The following LYRM4 variants were observed in gnomAD, a reference collection of about 807,000 sequenced individuals.
LYRM4 encodes LYR motif-containing protein 4.
In LYRM4, 9 loss-of-function variants were observed where a neutral mutation model predicts 11.7. The ratio of observed to expected loss-of-function variants is 0.77; its 90% confidence interval spans 0.46 to 1.34. The LOEUF (loss-of-function observed/expected upper bound fraction) is 1.34. Ranked by LOEUF, LYRM4 falls within the 40% of genes most tolerant of loss-of-function variation. LYRM4 has a pLI of 0.00. For synonymous variants in LYRM4, 42 were observed against 40.4 expected (o/e 1.04, Z -0.15); for missense variants, 133 against 112.5 (o/e 1.18, Z -0.82).
the LYRM4 span, among the ~76,000 whole-genome samples, chr6:5,050,657 G>C: frequency 6.6e-6 from 1 of 152,044 alleles, no homozygotes; most frequent in African/African-American, 2.4e-5. Flanking sequence ...AAAGGTGCAG[G>C]CTCAAAAAAA....
intron 2 of LYRM4, among the ~76,000 whole-genome samples, chr6:5,194,572 T>C (rs1046760201): frequency 9.2e-5 from 14 of 152,200 alleles, no homozygotes; most frequent in African/African-American, 3.4e-4. Context: ...TTAAATGCAA[T>C]AGCATTGTTA....
rs71540849 is a variant in LYRM4 at position 5,144,624 on chromosome 6, CAAAAAAAAA to C, written c.208-35142_208-35134del. ...TGGGCGACACAGCGAGACTCCGTCTCAAAAAAAAAAAAAAAAAAAAAAAAAAAAAAAGAA... is the reference window on the plus strand; with the variant it reads ...TGGGCGACACAGCGAGACTCCGTCTCAAAAAAAAAAAAAAAAAAAAAAGAA... On this transcript the variant is annotated intron_variant, in intron 2 of 2. Transcript: ENST00000330636. 9.3e-4 allele frequency among the ~76,000 whole-genome samples: 35 copies of C among 37,592 alleles called. No individual in the cohort carries two copies. In the East Asian group the frequency reaches 0.015, roughly 16 times the overall value. The allele number at this position is 37,592 out of a possible 152,430, so 24.7% of individuals were successfully genotyped here.
chr6:5,229,710 A>G (rs1327898986), intron 1 of LYRM4, among the ~76,000 whole-genome samples: 1 of 152,184 alleles, frequency 6.6e-6, no homozygotes, highest in Non-Finnish European at 1.5e-5. Context: ...CAAAAAAAGT[A>G]TATTCAAAAC....
intron 2 of LYRM4, among the ~76,000 whole-genome samples, chr6:5,128,652 A>G (rs569055136): frequency 2.1e-4 from 32 of 152,254 alleles, no homozygotes; most frequent in Middle Eastern, 3.4e-3. Flanking sequence ...TTCCCTCCTC[A>G]TAACTATTTT....
intron 2 of LYRM4, among the ~76,000 whole-genome samples, chr6:5,178,734 G>A (rs565779436): frequency 6.7e-6 from 1 of 148,680 alleles, no homozygotes; most frequent in East Asian, 2.0e-4. Context: ...GAACCCGGGA[G>A]GCGGAGGTGG....
chr6:5,068,257 C>T, the LYRM4 span, among the ~76,000 whole-genome samples: 1 of 152,332 alleles, frequency 6.6e-6, no homozygotes, highest in Non-Finnish European at 1.5e-5. This position sits in a 1 kb window ranked among gnomAD's most constrained non-coding sequence, Gnocchi z 4.0. Flanking sequence ...CGACATCAAC[C>T]ATCGTCCGCT....
In LYRM4 at chr6:5,203,524, A is replaced by C. The variant is rs934092751; in HGVS notation, c.207+13094T>G. On this transcript the variant is annotated intron_variant, in intron 2 of 2. Transcript: ENST00000330636. ...CCTTTATTTCACTTCCTTGCCTAGCAGTCTGCAATGTGATGGGAACGTTTA... is the reference window on the plus strand; with the variant it reads ...CCTTTATTTCACTTCCTTGCCTAGCCGTCTGCAATGTGATGGGAACGTTTA... Among the ~76,000 whole-genome samples, 7 of 152,216 alleles carry C rather than the reference A, an allele frequency of 4.6e-5. 1 individual carries two copies. The highest frequency in any genetic ancestry group is 1.7e-4 in the African/African-American group (7 of 41,454).
chr6:5,065,903 T>A, the LYRM4 span: 1 of 225,530 alleles, frequency 4.4e-6, no homozygotes, highest in Non-Finnish European at 9.2e-6. Flanking sequence ...TTAGTTATTT[T>A]CTCTTCTTCC....
At chr6:5,066,691 G>A in the LYRM4 span, 1 of 916,724 alleles carries the variant, frequency 1.1e-6, no homozygotes, top group South Asian at 1.4e-5. Context: ...TGCAGCAATA[G>A]GTGTGGAGGT....
At chr6:5,086,090 A>C in the LYRM4 span, 3 of 1,467,220 alleles carry the variant, frequency 2.0e-6, no homozygotes, top group East Asian at 5.7e-5. Flanking sequence ...CCGCTCTTCC[A>C]GCTCCCGGGG....
At chr6:5,237,985 C>T (rs1029720487) in intron 1 of LYRM4, among the ~76,000 whole-genome samples, 2 of 152,158 alleles carry the variant, frequency 1.3e-5, no homozygotes, top group African/African-American at 4.8e-5. Context: ...TAATCATGGT[C>T]CTCTCCCTGC....
chr6:5,058,364 C>G, the LYRM4 span, among the ~76,000 whole-genome samples: 25 of 152,234 alleles, frequency 1.6e-4, no homozygotes, highest in African/African-American at 5.8e-4. Flanking sequence ...TGTCCCAAGC[C>G]TGCTTTCTCA....
At chr6:5,126,682 A>G (rs1470032909) in intron 2 of LYRM4, among the ~76,000 whole-genome samples, 1 of 152,268 alleles carries the variant, frequency 6.6e-6, no homozygotes, top group East Asian at 1.9e-4. Context: ...ACATGCTACA[A>G]GGATGAACCT....
At chr6:5,203,264 T>A (rs755167366) in intron 2 of LYRM4, among the ~76,000 whole-genome samples, 2 of 152,224 alleles carry the variant, frequency 1.3e-5, no homozygotes, top group Non-Finnish European at 2.9e-5. Context: ...GCATATCTTG[T>A]TGATCAGGCA....
intron 2 of LYRM4, among the ~76,000 whole-genome samples, chr6:5,115,384 C>T (rs1763072281): frequency 6.6e-6 from 1 of 152,316 alleles, no homozygotes; most frequent in African/African-American, 2.4e-5. Flanking sequence ...CACGCTTCTC[C>T]CCATGTAGCT....
intron 2 of LYRM4, among the ~76,000 whole-genome samples, chr6:5,191,315 C>T (rs913179774): frequency 6.6e-6 from 1 of 152,124 alleles, no homozygotes; most frequent in South Asian, 2.1e-4. Context: ...TCCATGTCAG[C>T]GGTCCAGGCA....
chr6:5,130,754 C>T (rs1215380287), intron 2 of LYRM4, among the ~76,000 whole-genome samples: 2 of 151,914 alleles, frequency 1.3e-5, no homozygotes, highest in Non-Finnish European at 2.9e-5. Flanking sequence ...AAACTGGTAT[C>T]CTCTTATACA....
intron 1 of LYRM4, among the ~76,000 whole-genome samples, chr6:5,245,178 T>G (rs201917234): frequency 1.9e-5 from 2 of 106,234 alleles, no homozygotes; most frequent in East Asian, 5.7e-4. Flanking sequence ...TAGGTGAATT[T>G]CTGGAACAAA....
chr6:5,063,864 C>A, the LYRM4 span, among the ~76,000 whole-genome samples: 10 of 152,234 alleles, frequency 6.6e-5, no homozygotes, highest in Non-Finnish European at 1.5e-4. Context: ...ATGTCGGGAA[C>A]CTGCCCCAGA....
Sources: gnomAD v4.1 joint callset for allele counts (sites outside exome capture counted in the v4.1 genomes callset) on GRCh38, gnomAD v4.1.1 for gene constraint, Gnocchi (gnomAD v3.1) non-coding constraint, MANE v1.5 for transcripts, NCBI Gene and HGNC (gene_info 2026-07-23, HGNC 2026-07-21) for gene names.